CCDC15: variants seen among roughly 807,000 people sequenced by gnomAD.
The protein encoded by CCDC15 is coiled-coil domain containing 15.
Under a neutral mutation model 114.5 loss-of-function variants are expected in CCDC15, and 105 were observed. The ratio of observed to expected loss-of-function variants is 0.92; its 90% CI spans 0.78 to 1.08. The LOEUF (loss-of-function observed/expected upper bound fraction) is 1.08, where lower values mean the gene tolerates loss of function less well. CCDC15 is among the 50% of genes least tolerant of loss of function. The pLI is 0.00. For missense variants in CCDC15, 1,105 were observed against 1,093.6 expected, an observed-to-expected ratio of 1.01 and a Z score of -0.15; for synonymous variants, 334 against 377.8, an observed-to-expected ratio of 0.88 and a Z score of 1.34.
At chr11:124,987,052 T>G in intron 7 of CCDC15, 75 bp from the exon 8 acceptor site, 2 of 1,377,908 alleles carry the variant, frequency 1.5e-6, no homozygotes, top group Non-Finnish European at 1.9e-6. Flanking sequence ...CATTTTGATA[T>G]TTCGATTATT....
chr11:124,964,904 G>A (rs912177743), intron 4 of CCDC15, among the ~76,000 whole-genome samples: 1 of 151,996 alleles, frequency 6.6e-6, no homozygotes, highest in African/African-American at 2.4e-5. Context: ...ATAATCATGT[G>A]GTTTTTGTCT....
At chr11:124,989,213 T>A (rs1408746437) in intron 8 of CCDC15, among the ~76,000 whole-genome samples, 1 of 152,226 alleles carries the variant, frequency 6.6e-6, no homozygotes, top group East Asian at 1.9e-4. Context: ...ATTAATCTCC[T>A]TGTATATCTT....
chr11:124,959,727 T>TAAAAAA, intron 3 of CCDC15, 88 bp from the exon 4 acceptor site: 1 of 766,206 alleles, frequency 1.3e-6, no homozygotes, highest in Non-Finnish European at 1.8e-6. Flanking sequence ...CACCCCAATT[T>TAAAAAA]AAAATCTTCT....
rs767623436 is a variant in CCDC15 at position 124,991,593 on chromosome 11, A to C, written c.2031+10A>C. The C allele has an allele frequency of 1.3e-6, 2 of 1,593,026 alleles. No individual in the cohort carries two copies. Among genetic ancestry groups the C allele is most frequent in the Middle Eastern group, 1.7e-4 (1 of 5,992 alleles). ...TGACATCAAAAATCAGGTAGAGTAG[A>C]AGAAAAAGATATAAACAGGAAGGAA... On this transcript the variant is annotated intron_variant, in intron 9 of 15. Transcript: ENST00000344762.
At chr11:124,988,750 A>T (rs1217326381) in intron 8 of CCDC15, among the ~76,000 whole-genome samples, 2 of 152,244 alleles carry the variant, frequency 1.3e-5, no homozygotes, top group African/African-American at 4.8e-5. Context: ...CAATGTTCAC[A>T]GTAGATTCCA....
intron 2 of CCDC15, among the ~76,000 whole-genome samples, chr11:124,957,529 T>G (rs1460722175): frequency 6.6e-6 from 1 of 152,214 alleles, no homozygotes; most frequent in African/African-American, 2.4e-5. Flanking sequence ...GGTGGAAGTT[T>G]CTTTATGACC....
chr11:124,984,579 C>T (rs1355314305), intron 6 of CCDC15, among the ~76,000 whole-genome samples: 1 of 152,154 alleles, frequency 6.6e-6, no homozygotes, highest in African/African-American at 2.4e-5. Context: ...ACCAAACCCT[C>T]TAGGCTTTGC....
intron 11 of CCDC15, among the ~76,000 whole-genome samples, chr11:125,002,165 A>G (rs1244988640): frequency 6.6e-6 from 1 of 152,100 alleles, no homozygotes; most frequent in African/African-American, 2.4e-5. Context: ...ATGATGTTGA[A>G]CACCTTTTCA....
At chr11:125,018,215 T>C (rs1448875020) in intron 13 of CCDC15, among the ~76,000 whole-genome samples, 8 of 152,114 alleles carry the variant, frequency 5.3e-5, no homozygotes, top group African/African-American at 9.7e-5. Context: ...GTTTTTATCT[T>C]TTATACTGTA....
At chr11:124,998,824 G>T (rs1948423517) in intron 11 of CCDC15, among the ~76,000 whole-genome samples, 1 of 148,868 alleles carries the variant, frequency 6.7e-6, no homozygotes, top group Admixed American at 6.8e-5. Context: ...TGCAACCTCT[G>T]CTTCCCCAGG....
At chr11:125,031,361 G>A (rs1376607926) in intron 13 of CCDC15, among the ~76,000 whole-genome samples, 1 of 152,202 alleles carries the variant, frequency 6.6e-6, no homozygotes, top group African/African-American at 2.4e-5. Flanking sequence ...AGGGTAGCAG[G>A]AGTGGAGACC....
At chr11:125,001,229 G>A (rs1948475791) in intron 11 of CCDC15, among the ~76,000 whole-genome samples, 2 of 152,194 alleles carry the variant, frequency 1.3e-5, no homozygotes, top group Admixed American at 6.5e-5. Flanking sequence ...AAAAGGCAGA[G>A]TATCACCTTG....
chr11:125,009,286 A>G (rs1000109721), intron 13 of CCDC15, among the ~76,000 whole-genome samples: 13 of 152,242 alleles, frequency 8.5e-5, no homozygotes, highest in African/African-American at 2.9e-4. Context: ...ATCAGATGTT[A>G]TTGACATACT....
chr11:124,999,116 G>C (rs1015463894), intron 11 of CCDC15, among the ~76,000 whole-genome samples: 17 of 151,912 alleles, frequency 1.1e-4, no homozygotes, highest in African/African-American at 4.1e-4. Flanking sequence ...TCCAGTCTTC[G>C]ATAGCAAATT....
intron 4 of CCDC15, among the ~76,000 whole-genome samples, chr11:124,969,399 G>A (rs1410728770): frequency 2.0e-5 from 3 of 152,130 alleles, no homozygotes; most frequent in Non-Finnish European, 4.4e-5. Context: ...CAGTTTCTGT[G>A]ATGTCCCTTG....
At chr11:124,979,211 G>A (rs1048185911) in intron 6 of CCDC15, among the ~76,000 whole-genome samples, 2 of 152,128 alleles carry the variant, frequency 1.3e-5, no homozygotes, top group African/African-American at 4.8e-5. Flanking sequence ...AGTGTAGTTT[G>A]AAGTAGGGTA....
rs75209186 is a variant in CCDC15 at position 125,006,627 on chromosome 11, C to A, written c.2411+1415C>A. Among the ~76,000 whole-genome samples, 1,121 of 152,146 alleles carry A rather than the reference C, an allele frequency of 7.4e-3. 15 individuals carry two copies. Among genetic ancestry groups the A allele is most frequent in the Non-Finnish European group, 9.9e-3 (675 of 67,974 alleles). ...GTCACTTAGATTTTCTCCTGTGTTA[C>A]CTTCTAGGAGTTTTGTAGTTTTGCA... is the stretch of plus-strand genomic sequence containing the variant. On this transcript the variant is annotated intron_variant, in intron 13 of 15. Transcript: ENST00000344762.
In CCDC15 at chr11:124,956,894, T is replaced by A. The variant is rs1947562036; in HGVS notation, c.177+1985T>A. Among the ~76,000 whole-genome samples, 3 of 152,204 alleles carry A rather than the reference T, an allele frequency of 2.0e-5. No homozygotes were observed. The South Asian group carries it at 6.2e-4, about 32-fold the overall frequency. ...TAAAGCTTGGCCCTTAGATCATGTC[T>A]GTTCTAAAGGGGAACTTCTACTCAT... On this transcript the variant is annotated intron_variant, in intron 2 of 15. Coordinates refer to ENST00000344762, the MANE Select transcript of CCDC15 (RefSeq NM_025004.3).
At chr11:124,956,637 A>C (rs115103436) in intron 2 of CCDC15, among the ~76,000 whole-genome samples, 1 of 152,240 alleles carries the variant, frequency 6.6e-6, no homozygotes, top group Non-Finnish European at 1.5e-5. Flanking sequence ...CTATGTTAAG[A>C]AGTATTGACT....
Sources: gnomAD v4.1 joint callset for allele counts (sites outside exome capture counted in the v4.1 genomes callset) on GRCh38, gnomAD v4.1.1 for gene constraint, MANE v1.5 for transcripts, NCBI Gene and HGNC (gene_info 2026-07-23, HGNC 2026-07-21) for gene names.